Variants in ANTXR1 observed in about 807,000 individuals in gnomAD.
ANTXR1 encodes ANTXR cell adhesion molecule 1.
In ANTXR1, 19 loss-of-function variants were observed where a neutral mutation model predicts 78.1. That is an observed-to-expected ratio of 0.24 (90% CI 0.17 to 0.36). The LOEUF (loss-of-function observed/expected upper bound fraction) is 0.36. Among genes scored for constraint, ANTXR1 ranks in the 10% least tolerant of loss-of-function variants. The pLI is 1.00. For missense variants in ANTXR1, 518 were observed against 718.6 expected (o/e 0.72, Z 3.19); for synonymous variants, 273 against 260.5 (o/e 1.05, Z -0.46).
chr2:69,096,262 A>G (rs1188140532), intron 9 of ANTXR1, among the ~76,000 whole-genome samples: 1 of 6,562 alleles, frequency 1.5e-4, no homozygotes, highest in East Asian at 0.1. Flanking sequence ...CGTCAAAAGG[A>G]AGGAAGGAAG....
rs544056052 is a variant in ANTXR1 at position 69,098,112 on chromosome 2, T to C, written c.704-4730T>C. 5.1e-4 allele frequency among the ~76,000 whole-genome samples: 78 copies of C among 152,268 alleles called. 1 individual carries two copies. In the South Asian group the frequency reaches 0.016, roughly 31 times the overall value. The stretch of plus-strand genomic sequence containing the variant: ...GGTAGGGAGGGCTGGGAGGAGAGAT[T>C]ACAAAGCAACACTAGGGAAGTTCTG... On this transcript the variant is annotated intron_variant, in intron 9 of 17. Coordinates refer to ENST00000303714, the MANE Select transcript of ANTXR1 (RefSeq NM_032208.3).
At chr2:69,202,255 A>G (rs972854235) in intron 17 of ANTXR1, among the ~76,000 whole-genome samples, 4 of 152,314 alleles carry the variant, frequency 2.6e-5, no homozygotes, top group African/African-American at 9.6e-5. Context: ...GTAAGAGGAA[A>G]GTCTGGGGTC....
At chr2:69,132,377 C>G (rs4420734) in intron 12 of ANTXR1, among the ~76,000 whole-genome samples, 1 of 152,202 alleles carries the variant, frequency 6.6e-6, no homozygotes, top group African/African-American at 2.4e-5. Context: ...TGTCTGTTTT[C>G]TAAGTCAGTT....
At chr2:69,038,933 A>C (rs1669532989) in intron 1 of ANTXR1, among the ~76,000 whole-genome samples, 1 of 152,242 alleles carries the variant, frequency 6.6e-6, no homozygotes, top group Non-Finnish European at 1.5e-5. Context: ...GGAAAGCAAA[A>C]AGTCCTCTTA....
chr2:69,013,176 G>T (rs1327973145), upstream of ANTXR1: 1 of 346,794 alleles, frequency 2.9e-6, no homozygotes, highest in Non-Finnish European at 5.1e-6. The surrounding 1 kb of genome is among the most constrained non-coding windows in gnomAD (Gnocchi z 5.0). Flanking sequence ...AAGAACCGTC[G>T]GGACGGAACT....
At chr2:69,178,880 TA>T (rs1674201416) in intron 14 of ANTXR1, among the ~76,000 whole-genome samples, 1 of 152,144 alleles carries the variant, frequency 6.6e-6, no homozygotes, top group African/African-American at 2.4e-5. Context: ...CCTAAAAAAT[TA>T]AGAGGCTCAT....
At chr2:69,065,706 G>C (rs1463316518) in intron 3 of ANTXR1, among the ~76,000 whole-genome samples, 2 of 152,126 alleles carry the variant, frequency 1.3e-5, no homozygotes, top group South Asian at 2.1e-4. Flanking sequence ...CCTATGCTTA[G>C]GTAAAAGTCC....
rs145054609 is a variant in ANTXR1, at chr2:69,071,662, G to C, written c.379-92G>C. 825 of 1,248,870 alleles carry C rather than the reference G, an allele frequency of 6.6e-4. 16 individuals are homozygous for C. In the East Asian group the frequency reaches 0.019, roughly 29 times the overall value. 77.4% of individuals were successfully genotyped at this position (1,248,870 alleles called of 1,614,324 possible). A position where few individuals can be genotyped will look rare whatever the true frequency, so the allele number is the denominator to read the frequency against. ...ATAAGGAATCAAGACTGAATTGGCT[G>C]CATATTCAACAACAGAGCCCATTAT... On this transcript the variant is annotated intron_variant, in intron 4 of 17. Transcript: ENST00000303714.
At chr2:69,033,368 C>T (rs1212054825) in intron 1 of ANTXR1, among the ~76,000 whole-genome samples, 1 of 152,192 alleles carries the variant, frequency 6.6e-6, no homozygotes, top group Non-Finnish European at 1.5e-5. Flanking sequence ...AGTCAGAGGA[C>T]AGGGCAAGGC....
At chr2:69,071,960 G>T (rs1480078714) in intron 5 of ANTXR1, among the ~76,000 whole-genome samples, 173 bp downstream of exon 5, 2 of 152,076 alleles carry the variant, frequency 1.3e-5, no homozygotes, top group African/African-American at 2.4e-5. Flanking sequence ...GCATGTATTG[G>T]GTCAAATTCC....
chr2:69,077,104 T>A lies in ANTXR1; in HGVS notation c.562-304T>A, dbSNP rs1479393559. Reference sequence around the variant, plus strand: ...TGAGCCCATGGCCTGTGCCCAAATTTATAAACATATCAACCCAGGCCAAGC... The same window carrying A: ...TGAGCCCATGGCCTGTGCCCAAATTAATAAACATATCAACCCAGGCCAAGC... On this transcript the variant is annotated intron_variant, in intron 7 of 17. Transcript: ENST00000303714. The A allele has an allele frequency of 6.9e-6, 3 of 432,206 alleles. No individual in the cohort carries two copies. The East Asian group carries it at 1.3e-4, about 19-fold the overall frequency. 26.8% of individuals were successfully genotyped at this position (432,206 alleles called of 1,614,324 possible). A position where few individuals can be genotyped will look rare whatever the true frequency, so the allele number is the denominator to read the frequency against.
At chr2:69,042,066 T>C (rs1379438198) in intron 2 of ANTXR1, among the ~76,000 whole-genome samples, 2 of 152,124 alleles carry the variant, frequency 1.3e-5, no homozygotes, top group South Asian at 2.1e-4. Flanking sequence ...TTTCATTTAT[T>C]TATTCATTTT....
intron 5 of ANTXR1, among the ~76,000 whole-genome samples, chr2:69,072,350 T>C (rs1670592569): frequency 6.6e-6 from 1 of 152,160 alleles, no homozygotes; most frequent in Non-Finnish European, 1.5e-5. Context: ...TCAAATCTCT[T>C]AAAAAAGAGA....
At chr2:69,214,293 G>A (rs1675125165) in intron 17 of ANTXR1, among the ~76,000 whole-genome samples, 1 of 152,234 alleles carries the variant, frequency 6.6e-6, no homozygotes, top group African/African-American at 2.4e-5. Flanking sequence ...TACCTGGTTT[G>A]TGGGACAAGA....
intron 14 of ANTXR1, among the ~76,000 whole-genome samples, chr2:69,171,448 G>A (rs1484966872): frequency 6.6e-6 from 1 of 152,202 alleles, no homozygotes; most frequent in African/African-American, 2.4e-5. Flanking sequence ...GACTGCAATT[G>A]GCTTTGCTTC....
rs531708357 is a variant in ANTXR1 at position 69,206,932 on chromosome 2, A to T, written c.1434+13517A>T. Among the ~76,000 whole-genome samples the T allele has an allele frequency of 3.9e-5, 6 of 152,316 alleles. No homozygotes were observed. The East Asian group carries it at 1.2e-3, about 29-fold the overall frequency. ...AATTTGCATCAAGTCAGAAACCCAT[A>T]CATCTGTGTCCCACAGCAGGCCACC... On this transcript the variant is annotated intron_variant, in intron 17 of 17. Coordinates refer to ENST00000303714, the MANE Select transcript of ANTXR1 (RefSeq NM_032208.3).
chr2:69,146,621 C>T (rs1365464048), intron 12 of ANTXR1, among the ~76,000 whole-genome samples: 2 of 152,226 alleles, frequency 1.3e-5, no homozygotes, highest in Non-Finnish European at 1.5e-5. Flanking sequence ...GTCATAAAGT[C>T]AGGTCCATGC....
chr2:69,235,651 CAA>C (rs554310438), intron 17 of ANTXR1, among the ~76,000 whole-genome samples: 2,086 of 58,250 alleles, frequency 0.036, 24 homozygotes, highest in African/African-American at 0.093. Context: ...AACCCCGTCT[CAA>C]AAAAAAAAAA....
intron 10 of ANTXR1, among the ~76,000 whole-genome samples, chr2:69,119,060 G>A (rs1003964132): frequency 6.6e-6 from 1 of 151,978 alleles, no homozygotes; most frequent in Non-Finnish European, 1.5e-5. Context: ...AGAAATATTT[G>A]GTCTCCCAAG....
Sources: allele counts gnomAD v4.1 joint callset (sites outside exome capture counted in the v4.1 genomes callset), GRCh38; gene constraint gnomAD v4.1.1; non-coding constraint Gnocchi (gnomAD v3.1); transcripts MANE v1.5; gene names NCBI Gene and HGNC (gene_info 2026-07-23, HGNC 2026-07-21).